The following RASSF9 variants were observed in gnomAD, a reference collection of about 807,000 sequenced individuals.
The protein encoded by RASSF9 is ras association domain-containing protein 9.
RASSF9 carries 18 observed loss-of-function variants against 21.4 expected under a neutral mutation model. The ratio of observed to expected loss-of-function variants is 0.84; its 90% CI spans 0.58 to 1.25. The LOEUF is 1.25. RASSF9 is among the 50% of genes most tolerant of loss of function. The probability of loss-of-function intolerance (pLI) is 0.00; values close to 1 mark genes in which losing one functional copy is unlikely to be tolerated. For missense variants in RASSF9, 480 were observed against 503.2 expected, an observed-to-expected ratio of 0.95 and a Z score of 0.44; for synonymous variants, 183 against 179.1, an observed-to-expected ratio of 1.02 and a Z score of -0.18.
intron 1 of RASSF9, among the ~76,000 whole-genome samples, chr12:85,806,672 C>CAAAAAAAAAAAAAAAA (rs71076150): frequency 1.8e-5 from 1 of 54,822 alleles, no homozygotes; most frequent in Non-Finnish European, 3.3e-5. Flanking sequence ...GACTCCATCT[C>CAAAAAAAAAAAAAAAA]AAAAAAAAAA....
rs143324575 is a variant in RASSF9 at position 85,830,554 on chromosome 12, T to A, written c.47+5601A>T. Among the ~76,000 whole-genome samples the A allele has an allele frequency of 2.3e-3, 345 of 152,272 alleles. 2 individuals are homozygous for A. The highest frequency in any genetic ancestry group is 7.7e-3 in the African/African-American group (319 of 41,564). On this transcript the variant is annotated intron_variant, in intron 1 of 1. Transcript: ENST00000361228. The stretch of plus-strand genomic sequence containing the variant: ...AAGGTCCCTGCTCTGATTGGACCTA[T>A]ACTCAATGATTTTTTTAACAGAATG...
intron 1 of RASSF9, among the ~76,000 whole-genome samples, chr12:85,817,651 A>G (rs943989856): frequency 2.0e-5 from 3 of 152,056 alleles, no homozygotes; most frequent in Non-Finnish European, 4.4e-5. Context: ...ATTTGTTTCA[A>G]CATGTATTTG....
rs759755142 is a variant in RASSF9 at position 85,805,182 on chromosome 12, G to GT, written c.827dup (p.Tyr276Ter). ...CAGAGAGCTTATCAATGAGTATTCG[G>GT]TAATATTTCAGTCGTTCTTCCAGCT... ...IEQLEERLKY[Y>*]RILIDKLSAE... is the part of the protein sequence containing the mutation. Residue 276 changes from tyrosine to a stop codon, truncating the protein, a stop_gained and frameshift_variant, in exon 2 of 2, where the codon TAC becomes TAAC. Transcript: ENST00000361228. LOFTEE classifies it high-confidence loss of function. The GT allele has an allele frequency of 6.6e-5, 106 of 1,613,796 alleles. No individual in the cohort carries two copies. The African/African-American group carries it at 1.3e-3, about 20-fold the overall frequency.
At chr12:85,820,347 T>C (rs909600872) in intron 1 of RASSF9, among the ~76,000 whole-genome samples, 5 of 152,218 alleles carry the variant, frequency 3.3e-5, no homozygotes, top group Non-Finnish European at 7.3e-5. Flanking sequence ...GTTAGTCCTT[T>C]ACTGAAAGTT....
rs565189826 is a variant in RASSF9, at chr12:85,801,564, G to A, written c.*3138C>T. The A allele has an allele frequency of 1.3e-5, 2 of 152,464 alleles. No homozygotes were observed. Among genetic ancestry groups the A allele is most frequent in the South Asian group, 2.1e-4 (1 of 4,832 alleles). 9.4% of individuals were successfully genotyped at this position (152,464 alleles called of 1,614,324 possible). Reference sequence around the variant, plus strand: ...ACGGTGGCTCACGCCTGTAATCCCAGCACTTTGGGAGGCCAAGACGGGTGG... The same window carrying A: ...ACGGTGGCTCACGCCTGTAATCCCAACACTTTGGGAGGCCAAGACGGGTGG... On this transcript the variant is annotated 3_prime_UTR_variant, in exon 2 of 2. Coordinates refer to ENST00000361228, the MANE Select transcript of RASSF9 (RefSeq NM_005447.4).
intron 1 of RASSF9, among the ~76,000 whole-genome samples, chr12:85,809,338 T>G (rs1193601580): frequency 6.6e-6 from 1 of 152,158 alleles, no homozygotes; most frequent in Non-Finnish European, 1.5e-5. Context: ...TGAACCACAG[T>G]GCCCCATTAG....
chr12:85,831,097 A>T (rs1880440110), intron 1 of RASSF9, among the ~76,000 whole-genome samples: 1 of 152,020 alleles, frequency 6.6e-6, no homozygotes, highest in Admixed American at 6.6e-5. Context: ...ATTCCTTGTC[A>T]AGGACTGGTA....
chr12:85,818,219 C>A (rs542234680), intron 1 of RASSF9, among the ~76,000 whole-genome samples: 1 of 152,136 alleles, frequency 6.6e-6, no homozygotes, highest in African/African-American at 2.4e-5. Context: ...GTTGTAAATG[C>A]TTTATGCATA....
intron 1 of RASSF9, among the ~76,000 whole-genome samples, chr12:85,807,083 C>T (rs538133732): frequency 2.6e-5 from 4 of 152,202 alleles, no homozygotes; most frequent in East Asian, 1.9e-4. Context: ...GGAAGAAGGG[C>T]GGACTATTTT....
intron 1 of RASSF9, among the ~76,000 whole-genome samples, chr12:85,831,439 T>C (rs966781064): frequency 3.9e-5 from 6 of 152,012 alleles, no homozygotes; most frequent in African/African-American, 9.7e-5. Flanking sequence ...TTAGATTTTC[T>C]TGAAAAACAA....
rs926713238 is a variant in RASSF9 at position 85,803,977 on chromosome 12, T to C, written c.*725A>G. 2 of 152,212 alleles carry C rather than the reference T, an allele frequency of 1.3e-5. No individual in the cohort carries two copies. The highest frequency in any genetic ancestry group is 4.8e-5 in the African/African-American group (2 of 41,458). The allele number at this position is 152,212 out of a possible 1,614,324, so 9.4% of individuals were successfully genotyped here. ...ACTCAGTGAATGAACATGGGTTTGG[T>C]CAGGAGATCTGAATTGCCAGATAGC... On this transcript the variant is annotated 3_prime_UTR_variant, in exon 2 of 2. Transcript: ENST00000361228.
intron 1 of RASSF9, among the ~76,000 whole-genome samples, chr12:85,833,763 C>A (rs1208653879): frequency 6.6e-6 from 1 of 151,920 alleles, no homozygotes; most frequent in Non-Finnish European, 1.5e-5. Context: ...TATCATAAGG[C>A]ATATAAATAT....
intron 1 of RASSF9, among the ~76,000 whole-genome samples, chr12:85,832,157 A>G (rs1241696331): frequency 6.6e-6 from 1 of 151,946 alleles, no homozygotes; most frequent in African/African-American, 2.4e-5. Context: ...TAGCACTTCA[A>G]AATAATTTTA....
rs1255129368 is a variant in RASSF9, at chr12:85,804,728, C to T, written c.1282G>A (p.Gly428Arg). 6.2e-7 allele frequency: 1 copy of T among 1,608,444 alleles called. No homozygotes were observed. The highest frequency in any genetic ancestry group is 1.1e-5 in the South Asian group (1 of 90,800). Reference protein sequence around the residue: ...NHSQDSETTVGDVVLLST With the variant: ...NHSQDSETTVRDVVLLST ...TATGTTGACAACAGCACCACATCTCCTACTGTTGTTTCGGAGTCCTGACTG... is the reference window on the plus strand; with the variant it reads ...TATGTTGACAACAGCACCACATCTCTTACTGTTGTTTCGGAGTCCTGACTG... Residue 428 changes from glycine (G) to arginine (R), a missense_variant, in exon 2 of 2, where the codon GGA (glycine) becomes AGA (arginine). Gly to Arg is a moderately radical substitution (Grantham distance 125). Coordinates refer to ENST00000361228, the MANE Select transcript of RASSF9 (RefSeq NM_005447.4).
rs773357346 is a variant in RASSF9, at chr12:85,805,219, T to C, written c.791A>G (p.Asp264Gly). The C allele has an allele frequency of 1.6e-5, 26 of 1,613,710 alleles. No individual in the cohort carries two copies. The South Asian group carries it at 2.2e-4, about 14-fold the overall frequency. ...NQTLEDLSESDGIEQLEERLK... is the reference protein window; with the variant it reads ...NQTLEDLSESGGIEQLEERLK... ...TCGTTCTTCCAGCTGTTCAATTCCA[T>C]CACTTTCGCTCAGGTCCTCCAGAGT... is the stretch of plus-strand genomic sequence containing the variant. The change falls in exon 2 of 2, where the codon GAT becomes GGT. Residue 264 changes from aspartate to glycine, a missense_variant. Coordinates refer to ENST00000361228, the MANE Select transcript of RASSF9 (RefSeq NM_005447.4).
In RASSF9 at chr12:85,805,583, G is replaced by C; in HGVS notation, c.427C>G (p.Leu143Val). 6.2e-7 allele frequency: 1 copy of C among 1,613,858 alleles called. No individual in the cohort carries two copies. The highest frequency in any genetic ancestry group is 8.5e-7 in the Non-Finnish European group (1 of 1,179,882). ...LVQNTEKLWE[L>V]SPANYMKTLP... ...GTCTTCATGTAGTTTGCTGGGCTGA[G>C]CTCCCACAATTTTTCTGTGTTTTGC... The change falls in exon 2 of 2, where the codon CTC becomes GTC. Residue 143 changes from leucine to valine, a missense_variant. Transcript: ENST00000361228.
At chr12:85,808,070 C>T (rs1418725302) in intron 1 of RASSF9, among the ~76,000 whole-genome samples, 1 of 152,090 alleles carries the variant, frequency 6.6e-6, no homozygotes, top group African/African-American at 2.4e-5. Context: ...AAGAAAATTT[C>T]CCTGCCTTCT....
chr12:85,833,463 G>T (rs1565758635), intron 1 of RASSF9, among the ~76,000 whole-genome samples: 1 of 151,856 alleles, frequency 6.6e-6, no homozygotes, highest in Non-Finnish European at 1.5e-5. Context: ...ATACTTTGAA[G>T]TTTTAATTGC....
Position 85,836,215 on chromosome 12 carries a change from A to T in RASSF9, c.-14T>A, listed in dbSNP as rs1880560879. On this transcript the variant is annotated 5_prime_UTR_variant, in exon 1 of 2. In the 5' UTR this introduces an upstream ATG that the reference lacks. Transcript: ENST00000361228. ...AAAGGGAGCCATGGTCTGTCGGGCA[A>T]ACGAATAAAGAAATTATCTTAAAGT... is the stretch of plus-strand genomic sequence containing the variant. The T allele has an allele frequency of 6.5e-7, 1 of 1,550,130 alleles. No individual in the cohort carries two copies. Among genetic ancestry groups the T allele is most frequent in the African/African-American group, 1.4e-5 (1 of 72,458 alleles).
Sources: allele counts gnomAD v4.1 joint callset (sites outside exome capture counted in the v4.1 genomes callset), GRCh38; gene constraint gnomAD v4.1.1; transcripts MANE v1.5; gene names NCBI Gene and HGNC (gene_info 2026-07-23, HGNC 2026-07-21).